NPLOC4: variants seen among roughly 807,000 people sequenced by gnomAD.
NPLOC4 encodes NPL4 homolog, ubiquitin recognition factor.
A neutral mutation model predicts 80.6 loss-of-function variants in NPLOC4; 18 were observed. The observed-to-expected ratio is 0.22, with a 90% confidence interval of 0.15 to 0.33. NPLOC4 has a LOEUF of 0.33. Ranked by LOEUF, NPLOC4 falls within the 10% of genes least tolerant of loss-of-function variation. NPLOC4 has a pLI of 1.00. For missense variants in NPLOC4, 540 were observed against 786.1 expected (o/e 0.69, Z 3.74); for synonymous variants, 313 against 301.5 (o/e 1.04, Z -0.39).
intron 12 of NPLOC4, among the ~76,000 whole-genome samples, chr17:81,573,088 G>T (rs2034203939): frequency 6.6e-6 from 1 of 152,138 alleles, no homozygotes; most frequent in South Asian, 2.1e-4. Flanking sequence ...CAGAGCTCCA[G>T]AAATAAATTC....
At chr17:81,608,640 T>G in intron 6 of NPLOC4, 88 bp downstream of exon 6, 3 of 894,516 alleles carry the variant, frequency 3.4e-6, no homozygotes, top group Non-Finnish European at 5.5e-6. Context: ...TTTACTTCTC[T>G]CATTCACACG....
intron 11 of NPLOC4, among the ~76,000 whole-genome samples, chr17:81,592,718 T>A (rs989805147): frequency 1.3e-5 from 2 of 152,192 alleles, no homozygotes; most frequent in Non-Finnish European, 2.9e-5. Context: ...GCACAGTGGC[T>A]CACACCTGTA....
chr17:81,567,423 A>G lies in NPLOC4; in HGVS notation c.1560T>C (p.Pro520=), dbSNP rs768772169. The G allele has an allele frequency of 6.2e-7, 1 of 1,604,400 alleles. No individual in the cohort carries two copies. Among genetic ancestry groups the G allele is most frequent in the Admixed American group, 1.7e-5 (1 of 59,916 alleles). ...LLFLVTNEVM[P]LQDSISLLLE... ...ACCACACTTGGACACGCACCTGCAG[A>G]GGCATAACTTCATTGGTGACCAGGA... Residue 520 remains proline (P), a synonymous_variant, in exon 15 of 17, where the codon CCT becomes CCC. Transcript: ENST00000331134. This position sits in a 1 kb window ranked among gnomAD's most constrained non-coding sequence, Gnocchi z 4.5.
At chr17:81,585,665 G>T (rs536248068) in intron 12 of NPLOC4, among the ~76,000 whole-genome samples, 1 of 147,186 alleles carries the variant, frequency 6.8e-6, no homozygotes, top group Non-Finnish European at 1.5e-5. Context: ...CATTTCTGGG[G>T]GGGGGGGGAA....
At chr17:81,588,782 T>C (rs2034657860) in intron 12 of NPLOC4, among the ~76,000 whole-genome samples, 162 bp downstream of exon 12, 1 of 152,234 alleles carries the variant, frequency 6.6e-6, no homozygotes, top group Non-Finnish European at 1.5e-5. Flanking sequence ...GAGTAGCGAA[T>C]ATCCAGCCCC....
chr17:81,591,287 T>A (rs1044596494), intron 11 of NPLOC4, among the ~76,000 whole-genome samples: 4 of 151,240 alleles, frequency 2.6e-5, no homozygotes, highest in Admixed American at 2.0e-4. Flanking sequence ...ATATAAAAAT[T>A]AACTGGGCAT....
At chr17:81,596,000 C>T in intron 11 of NPLOC4, 116 bp downstream of exon 11, 3 of 1,021,290 alleles carry the variant, frequency 2.9e-6, no homozygotes, top group Non-Finnish European at 4.3e-6. Context: ...TTATATCCCA[C>T]AAGCCCAGTA....
intron 12 of NPLOC4, among the ~76,000 whole-genome samples, chr17:81,582,165 AG>A (rs1479997132): frequency 6.6e-6 from 1 of 152,206 alleles, no homozygotes; most frequent in Non-Finnish European, 1.5e-5. Context: ...TGATTCTAGG[AG>A]CCCAAGCTGA....
At chr17:81,582,685 G>A (rs776519914) in intron 12 of NPLOC4, among the ~76,000 whole-genome samples, 51 of 152,222 alleles carry the variant, frequency 3.4e-4, no homozygotes, top group Non-Finnish European at 5.7e-4. Context: ...TTACAAGTGT[G>A]AGCCACCACA....
At chr17:81,617,873 C>G (rs1331694054) in intron 3 of NPLOC4, among the ~76,000 whole-genome samples, 1 of 152,236 alleles carries the variant, frequency 6.6e-6, no homozygotes, top group Non-Finnish European at 1.5e-5. Context: ...GTTGGCCGGG[C>G]TGGTCTCCAG....
intron 16 of NPLOC4, 178 bp downstream of exon 16, chr17:81,565,327 A>G: frequency 1.4e-6 from 1 of 706,384 alleles, no homozygotes; most frequent in East Asian, 2.7e-5. Flanking sequence ...CCATCACCGG[A>G]GCCTGCCACG....
At position 81,577,315 on chromosome 17, in the gene NPLOC4, C is replaced by G. The variant is rs972734290; in HGVS notation, c.1282-5227G>C. ...GGACCCCAGCACTGTCCCTTGGCAC[C>G]AGGACATCACCCTCCCACCTCTCCC... On this transcript the variant is annotated intron_variant, in intron 12 of 16. Coordinates refer to ENST00000331134, the MANE Select transcript of NPLOC4 (RefSeq NM_017921.4). This position sits in a 1 kb window ranked among gnomAD's most constrained non-coding sequence, Gnocchi z 4.3. 2.0e-5 allele frequency among the ~76,000 whole-genome samples: 3 copies of G among 152,022 alleles called. No homozygotes were observed. Among genetic ancestry groups the G allele is most frequent in the African/African-American group, 7.2e-5 (3 of 41,380 alleles).
chr17:81,575,401 G>A (rs1218004328), intron 12 of NPLOC4, among the ~76,000 whole-genome samples: 1 of 152,202 alleles, frequency 6.6e-6, no homozygotes, highest in Non-Finnish European at 1.5e-5. Flanking sequence ...GCGCCCAGCT[G>A]ACACTTGGTT....
At chr17:81,594,726 G>A (rs900459371) in intron 11 of NPLOC4, among the ~76,000 whole-genome samples, 11 of 151,928 alleles carry the variant, frequency 7.2e-5, no homozygotes, top group Admixed American at 4.6e-4. Context: ...AGGGAGCCGA[G>A]ATCGCGCCAC....
At chr17:81,591,447 G>GAATAAAAAAA (rs2034737621) in intron 11 of NPLOC4, among the ~76,000 whole-genome samples, 1 of 76,326 alleles carries the variant, frequency 1.3e-5, no homozygotes, top group Admixed American at 1.6e-4. Context: ...GAGTAAAACA[G>GAATAAAAAAA]AAAAAAAAAA....
At chr17:81,575,972 G>A (rs961948454) in intron 12 of NPLOC4, among the ~76,000 whole-genome samples, 7 of 151,880 alleles carry the variant, frequency 4.6e-5, no homozygotes, top group South Asian at 4.1e-4. Context: ...AAAAAGTTGC[G>A]TGCTGCTGGG....
chr17:81,621,526 G>C (rs2035667304), intron 3 of NPLOC4, among the ~76,000 whole-genome samples: 1 of 152,194 alleles, frequency 6.6e-6, no homozygotes, highest in Non-Finnish European at 1.5e-5. Context: ...TAAGGCACAT[G>C]TGAGTAAGTG....
intron 2 of NPLOC4, among the ~76,000 whole-genome samples, chr17:81,626,015 G>A (rs1173160576): frequency 1.3e-5 from 2 of 151,980 alleles, no homozygotes; most frequent in Non-Finnish European, 2.9e-5. Context: ...CAGGTGTGGT[G>A]GTGCACCCCT....
At position 81,557,456 on chromosome 17, in the gene NPLOC4, A is replaced by G. The variant is rs904951276; in HGVS notation, c.*1803T>C. The G allele has an allele frequency of 6.6e-6, 1 of 152,460 alleles. No individual in the cohort carries two copies. The allele number at this position is 152,460 out of a possible 1,614,324, so 9.4% of individuals were successfully genotyped here. ...GGTGGAGGACAACGGAAACTATAATAGCGTGGTGGATAAGGACGAGCGAGT... is the reference window on the plus strand; with the variant it reads ...GGTGGAGGACAACGGAAACTATAATGGCGTGGTGGATAAGGACGAGCGAGT... On this transcript the variant is annotated 3_prime_UTR_variant, in exon 17 of 17. Coordinates refer to ENST00000331134, the MANE Select transcript of NPLOC4 (RefSeq NM_017921.4).
Sources: gnomAD v4.1 joint callset for allele counts (sites outside exome capture counted in the v4.1 genomes callset) on GRCh38, gnomAD v4.1.1 for gene constraint, Gnocchi (gnomAD v3.1) non-coding constraint, MANE v1.5 for transcripts, NCBI Gene and HGNC (gene_info 2026-07-23, HGNC 2026-07-21) for gene names.